The following TAF3 variants were observed in gnomAD, a reference collection of about 807,000 sequenced individuals.
TAF3 encodes the protein TATA-box binding protein associated factor 3, also known as transcription initiation factor TFIID subunit 3.
Under a neutral mutation model 80.6 loss-of-function variants are expected in TAF3, and 7 were observed. The ratio of observed to expected loss-of-function variants is 0.09; its 90% CI spans 0.05 to 0.16. The LOEUF is 0.16. Among genes scored for constraint, TAF3 ranks in the 10% least tolerant of loss-of-function variants. The pLI is 1.00. For synonymous variants in TAF3, 444 were observed against 446.1 expected, an observed-to-expected ratio of 1.00 and a Z score of 0.06; for missense variants, 921 against 1,140.2, an observed-to-expected ratio of 0.81 and a Z score of 2.77.
chr10:7,894,863 A>T (rs1837491237), intron 2 of TAF3, among the ~76,000 whole-genome samples: 1 of 151,950 alleles, frequency 6.6e-6, no homozygotes, highest in Non-Finnish European at 1.5e-5. Flanking sequence ...CAAGCTTCTA[A>T]TTCCCTTTTT....
At chr10:7,971,300 A>G (rs1393662951) in intron 3 of TAF3, among the ~76,000 whole-genome samples, 4 of 152,248 alleles carry the variant, frequency 2.6e-5, no homozygotes, top group Non-Finnish European at 4.4e-5. Context: ...CAAGATGGTT[A>G]CAGCCATAGT....
intron 2 of TAF3, among the ~76,000 whole-genome samples, chr10:7,886,219 A>G (rs1837407887): frequency 6.6e-6 from 1 of 152,070 alleles, no homozygotes; most frequent in Non-Finnish European, 1.5e-5. Flanking sequence ...GTAAGACACC[A>G]CACCTGGCCC....
chr10:7,884,175 G>A (rs1300064965), intron 2 of TAF3, among the ~76,000 whole-genome samples: 3 of 152,080 alleles, frequency 2.0e-5, no homozygotes, highest in Admixed American at 1.3e-4. Context: ...CATTCAAACC[G>A]TAGCATACTC....
chr10:7,842,164 G>GTTTTTGTTTTTTTTTTTT (rs1836923385), intron 2 of TAF3, among the ~76,000 whole-genome samples: 2 of 85,384 alleles, frequency 2.3e-5, no homozygotes, highest in African/African-American at 4.5e-5. Context: ...TTTTTTTTTT[G>GTTTTTGTTTTTTTTTTTT]TTTTTTTTTT....
intron 2 of TAF3, among the ~76,000 whole-genome samples, chr10:7,836,360 C>T (rs1016414730): frequency 4.0e-5 from 6 of 151,620 alleles, no homozygotes; most frequent in Non-Finnish European, 5.9e-5. Flanking sequence ...GCACAACCTC[C>T]GGCTCCCTGG....
intron 3 of TAF3, among the ~76,000 whole-genome samples, chr10:7,971,479 TTTAACA>T (rs1831622872): frequency 6.6e-6 from 1 of 151,072 alleles, no homozygotes; most frequent in Non-Finnish European, 1.5e-5. Context: ...ATGAAAGGAG[TTTAACA>T]TTAAAAGAAT....
chr10:7,887,511 T>C (rs972328340), intron 2 of TAF3, among the ~76,000 whole-genome samples: 2 of 152,138 alleles, frequency 1.3e-5, no homozygotes, highest in Non-Finnish European at 2.9e-5. Context: ...TTTCCCCACT[T>C]CTGCTGCTTT....
chr10:7,928,484 T>A (rs901627799), intron 2 of TAF3, among the ~76,000 whole-genome samples: 5 of 152,230 alleles, frequency 3.3e-5, no homozygotes, highest in Non-Finnish European at 5.9e-5. Flanking sequence ...GTGTCATAGT[T>A]TTTATGAATT....
At chr10:7,840,031 T>C (rs566140541) in intron 2 of TAF3, among the ~76,000 whole-genome samples, 3 of 152,372 alleles carry the variant, frequency 2.0e-5, no homozygotes, top group African/African-American at 7.2e-5. Context: ...CAGAAGCACA[T>C]TTCCAATGCT....
intron 4 of TAF3, among the ~76,000 whole-genome samples, chr10:7,996,058 C>T (rs530331093): frequency 6.6e-6 from 1 of 152,266 alleles, no homozygotes; most frequent in Admixed American, 6.5e-5. Flanking sequence ...TTAGAAAAAT[C>T]GAACACCTGG....
chr10:7,968,143 G>C (rs904922741), intron 3 of TAF3, among the ~76,000 whole-genome samples: 2 of 152,120 alleles, frequency 1.3e-5, no homozygotes, highest in African/African-American at 4.8e-5. Context: ...ACTAAAGTGA[G>C]ACATATCTGC....
intron 2 of TAF3, among the ~76,000 whole-genome samples, chr10:7,842,836 A>C (rs1023314002): frequency 6.6e-6 from 1 of 152,192 alleles, no homozygotes; most frequent in Admixed American, 6.5e-5. Flanking sequence ...CTTAGATATG[A>C]TTTTCCAAGG....
Position 7,885,272 on chromosome 10 carries a change from A to C in TAF3, c.409+60712A>C, listed in dbSNP as rs145555105. Reference sequence around the variant, plus strand: ...TTGACACACACACACACACACACACACCCCCACACACACACAAAGTGACTA... The same window carrying C: ...TTGACACACACACACACACACACACCCCCCCACACACACACAAAGTGACTA... On this transcript the variant is annotated intron_variant, in intron 2 of 6. Coordinates refer to ENST00000344293, the MANE Select transcript of TAF3 (RefSeq NM_031923.4). Among the ~76,000 whole-genome samples the C allele has an allele frequency of 8.3e-3, 1,259 of 151,474 alleles. 11 individuals carry two copies. Among genetic ancestry groups the C allele is most frequent in the African/African-American group, 0.027 (1,111 of 41,254 alleles).
chr10:7,874,622 G>A (rs1837297566), intron 2 of TAF3, among the ~76,000 whole-genome samples: 1 of 151,008 alleles, frequency 6.6e-6, no homozygotes, highest in African/African-American at 2.4e-5. Flanking sequence ...CTTTTTTACT[G>A]AAAGGAATAG....
At position 7,964,801 on chromosome 10, in the gene TAF3, T is replaced by C; in HGVS notation, c.1291T>C (p.Cys431Arg). Residue 431 changes from cysteine to arginine, a missense_variant, in exon 3 of 7, where the codon TGT becomes CGT. This residue lies in a region of TAF3 where 743 missense variants were observed against 821.0 expected (regional missense o/e 0.90). Transcript: ENST00000344293. This position sits in a 1 kb window ranked among gnomAD's most constrained non-coding sequence, Gnocchi z 4.1. ...TSPKRISGPE[C>R]TTPKASTSAN... is the part of the protein sequence containing the mutation. ...CCCTAAGAGAATTTCAGGCCCGGAG[T>C]GTACTACTCCCAAAGCTTCCACTTC... 1 of 1,614,016 alleles carries C rather than the reference T, an allele frequency of 6.2e-7. No individual in the cohort carries two copies. The highest frequency in any genetic ancestry group is 8.5e-7 in the Non-Finnish European group (1 of 1,180,020).
intron 2 of TAF3, among the ~76,000 whole-genome samples, chr10:7,953,611 A>G (rs1352315615): frequency 2.6e-5 from 4 of 152,196 alleles, no homozygotes; most frequent in Admixed American, 1.3e-4. Flanking sequence ...CTGCCTTCAT[A>G]TCCCTTGATG....
chr10:7,968,016 C>T (rs975798877), intron 3 of TAF3, among the ~76,000 whole-genome samples: 1 of 152,108 alleles, frequency 6.6e-6, no homozygotes, highest in Non-Finnish European at 1.5e-5. Context: ...TCTTCAACCC[C>T]GTTTAAATCC....
intron 4 of TAF3, among the ~76,000 whole-genome samples, chr10:7,993,479 G>A (rs922288622): frequency 2.6e-5 from 4 of 152,052 alleles, no homozygotes; most frequent in East Asian, 1.9e-4. Flanking sequence ...ATGCCCAGCC[G>A]CTTCCTTTTT....
At chr10:7,909,212 G>A (rs946271213) in intron 2 of TAF3, among the ~76,000 whole-genome samples, 3 of 152,228 alleles carry the variant, frequency 2.0e-5, no homozygotes, top group Non-Finnish European at 2.9e-5. Flanking sequence ...CCCATTCTAG[G>A]CTTACTGGAT....
Sources: gnomAD v4.1 joint callset for allele counts (sites outside exome capture counted in the v4.1 genomes callset) on GRCh38, gnomAD v4.1.1 for gene constraint, gnomAD v4.1.1 regional missense constraint, Gnocchi (gnomAD v3.1) non-coding constraint, MANE v1.5 for transcripts, NCBI Gene and HGNC (gene_info 2026-07-23, HGNC 2026-07-21) for gene names.